SLC35F4: variants seen among roughly 807,000 people sequenced by gnomAD.
The protein encoded by SLC35F4 is solute carrier family 35 member F4.
Under a neutral mutation model 44.2 loss-of-function variants are expected in SLC35F4, and 24 were observed. That is an observed-to-expected ratio of 0.54 (90% CI 0.39 to 0.76). The LOEUF (loss-of-function observed/expected upper bound fraction) is 0.76. Ranked by LOEUF, SLC35F4 falls within the 30% of genes least tolerant of loss-of-function variation. The pLI is 0.00. For missense variants in SLC35F4, 562 were observed against 586.1 expected (o/e 0.96, Z 0.42); for synonymous variants, 238 against 223.6 (o/e 1.06, Z -0.57).
intron 1 of SLC35F4, among the ~76,000 whole-genome samples, chr14:57,621,124 C>A (rs1222844636): frequency 6.6e-6 from 1 of 151,722 alleles, no homozygotes; most frequent in East Asian, 1.9e-4. Flanking sequence ...TGTGAAGGAC[C>A]TCTTCAAGAA....
At chr14:57,786,025 T>C (rs2347362) in intron 1 of SLC35F4, among the ~76,000 whole-genome samples, 48,087 of 151,880 alleles carry the variant, frequency 0.32, 8,699 homozygotes, top group East Asian at 0.69. Context: ...GGGGCAAGTT[T>C]TCAAGCCCCC....
chr14:57,942,172 C>T (rs983536065), intron 1 of SLC35F4, among the ~76,000 whole-genome samples: 19 of 152,142 alleles, frequency 1.2e-4, no homozygotes, highest in African/African-American at 3.9e-4. Context: ...TTTTCCTTGC[C>T]GCAAAGCTTT....
Position 57,566,898 on chromosome 14 carries a change from TG to T in SLC35F4, c.1127-335del, listed in dbSNP as rs1251015459. 6.6e-5 allele frequency among the ~76,000 whole-genome samples: 10 copies of T among 152,352 alleles called. No individual in the cohort carries two copies. The South Asian group carries it at 2.1e-3, about 32-fold the overall frequency. ...CAGCCAGAGGTTAAAAGCAGGTGAT[TG>T]ATTGAAGATGGTGCCTCATCTCTTT... On this transcript the variant is annotated intron_variant, in intron 6 of 7. Coordinates refer to ENST00000556826, the MANE Select transcript of SLC35F4 (RefSeq NM_001306087.2).
At chr14:57,820,897 G>A (rs1215751186) in intron 1 of SLC35F4, among the ~76,000 whole-genome samples, 1 of 152,162 alleles carries the variant, frequency 6.6e-6, no homozygotes, top group Non-Finnish European at 1.5e-5. Context: ...TGCCACTAAT[G>A]CCTTGGAAGT....
chr14:57,954,275 C>A lies in SLC35F4; in HGVS notation n.282+27638G>T, dbSNP rs148734635. Among the ~76,000 whole-genome samples, 858 of 152,220 alleles carry A rather than the reference C, an allele frequency of 5.6e-3. 3 individuals carry two copies. The highest frequency in any genetic ancestry group is 6.2e-3 in the Non-Finnish European group (421 of 68,006). ...CAGAATCACTGGGACACAGCCAAAG[C>A]AGTGTTTAAGGGAAATTTATAGCAC... On this transcript the variant is annotated intron_variant and non_coding_transcript_variant, in intron 1 of 1. Transcript: ENST00000556568.
At chr14:57,588,490 C>T (rs1431974075) in intron 3 of SLC35F4, among the ~76,000 whole-genome samples, 1 of 152,164 alleles carries the variant, frequency 6.6e-6, no homozygotes, top group African/African-American at 2.4e-5. Context: ...CCCTTGAGTG[C>T]CATGCAGGGC....
At chr14:57,732,204 A>G (rs571808233) in intron 1 of SLC35F4, among the ~76,000 whole-genome samples, 1 of 152,314 alleles carries the variant, frequency 6.6e-6, no homozygotes, top group Admixed American at 6.5e-5. Flanking sequence ...CAGAGTGAAC[A>G]AAATGGTTAA....
chr14:57,629,466 G>A (rs1031999085), intron 1 of SLC35F4, among the ~76,000 whole-genome samples: 3 of 152,088 alleles, frequency 2.0e-5, no homozygotes, highest in Non-Finnish European at 2.9e-5. Context: ...AATTTCCATG[G>A]TGCAACCAGA....
At chr14:57,743,939 A>G (rs2076689536) in intron 1 of SLC35F4, among the ~76,000 whole-genome samples, 1 of 152,178 alleles carries the variant, frequency 6.6e-6, no homozygotes, top group South Asian at 2.1e-4. Flanking sequence ...ATCAATAAAC[A>G]TAATCCAGCA....
chr14:57,904,207 C>G (rs1889066035), intron 1 of SLC35F4, among the ~76,000 whole-genome samples: 1 of 152,188 alleles, frequency 6.6e-6, no homozygotes, highest in African/African-American at 2.4e-5. Context: ...CTGTCAACAT[C>G]TCTGGAAGGT....
At chr14:57,730,859 G>A (rs2076326310) in intron 1 of SLC35F4, among the ~76,000 whole-genome samples, 1 of 152,162 alleles carries the variant, frequency 6.6e-6, no homozygotes, top group Admixed American at 6.6e-5. Context: ...ACAAAGAAGA[G>A]ACCAGTTTCC....
intron 1 of SLC35F4, among the ~76,000 whole-genome samples, chr14:57,710,990 T>C (rs1012021002): frequency 1.3e-5 from 2 of 152,028 alleles, no homozygotes; most frequent in African/African-American, 4.8e-5. Flanking sequence ...TGTTTTGAAA[T>C]GTGAGGATAT....
chr14:57,758,000 C>CGTGTGTGT (rs1566827766), intron 1 of SLC35F4, among the ~76,000 whole-genome samples: 3 of 95,950 alleles, frequency 3.1e-5, no homozygotes, highest in African/African-American at 1.1e-4. Context: ...ATTATAGGTT[C>CGTGTGTGT]ATGTGTGTGT....
chr14:57,690,549 G>A (rs1221016487), intron 1 of SLC35F4, among the ~76,000 whole-genome samples: 2 of 152,074 alleles, frequency 1.3e-5, no homozygotes, highest in African/African-American at 4.8e-5. Flanking sequence ...AAGGGGTGGT[G>A]ATGAGGGATG....
chr14:57,881,890 CT>C (rs1463096213), intron 1 of SLC35F4, among the ~76,000 whole-genome samples: 4 of 152,302 alleles, frequency 2.6e-5, no homozygotes, highest in African/African-American at 9.6e-5. Flanking sequence ...AATTGCTCAT[CT>C]TCCTTATTTC....
rs1047252980 is a variant in SLC35F4, at chr14:57,876,991, C to CT, written n.282+104921dup. On this transcript the variant is annotated intron_variant and non_coding_transcript_variant, in intron 1 of 1. Coordinates refer to the SLC35F4 transcript ENST00000556568. ...AGCTACCCAAGGACAGGTGACCCAT[C>CT]TTTTTTTTTTCTTCTTTCCAACTTG... is the stretch of plus-strand genomic sequence containing the variant. Among the ~76,000 whole-genome samples the CT allele has an allele frequency of 5.4e-3, 811 of 149,456 alleles. 6 individuals carry two copies. Among genetic ancestry groups the CT allele is most frequent in the African/African-American group, 0.018 (734 of 40,852 alleles).
intron 1 of SLC35F4, among the ~76,000 whole-genome samples, chr14:57,933,546 G>A (rs1295698630): frequency 1.3e-5 from 2 of 152,164 alleles, no homozygotes; most frequent in African/African-American, 4.8e-5. Context: ...GGAAATAAGA[G>A]GACAAAGCTG....
rs1717783592 is a variant in SLC35F4 at position 57,767,902 on chromosome 14, A to G, written c.103+97821T>C. On this transcript the variant is annotated intron_variant, in intron 1 of 7. Coordinates refer to ENST00000556826, the MANE Select transcript of SLC35F4 (RefSeq NM_001306087.2). ...CAAAAACTATATACACATACGTTCA[A>G]CAACTTAGAAGAAATGGACCAGTCT... is the stretch of plus-strand genomic sequence containing the variant. 2.0e-5 allele frequency among the ~76,000 whole-genome samples: 3 copies of G among 152,334 alleles called. No homozygotes were observed. In the South Asian group the frequency reaches 6.2e-4, roughly 32 times the overall value.
rs527385941 is a variant in SLC35F4 at position 57,619,774 on chromosome 14, C to T, written c.104-25650G>A. Among the ~76,000 whole-genome samples, 16 of 152,076 alleles carry T rather than the reference C, an allele frequency of 1.1e-4. 1 individual carries two copies. The South Asian group carries it at 3.3e-3, about 32-fold the overall frequency. On this transcript the variant is annotated intron_variant, in intron 1 of 7. Coordinates refer to ENST00000556826, the MANE Select transcript of SLC35F4 (RefSeq NM_001306087.2). ...TAAAGGAGCATGTTCTAATGAAATGCAAGGAAGCTAAGAACCCTGAAAAAA... is the reference window on the plus strand; with the variant it reads ...TAAAGGAGCATGTTCTAATGAAATGTAAGGAAGCTAAGAACCCTGAAAAAA...
Sources: gnomAD v4.1 joint callset for allele counts (sites outside exome capture counted in the v4.1 genomes callset) on GRCh38, gnomAD v4.1.1 for gene constraint, MANE v1.5 for transcripts, NCBI Gene and HGNC (gene_info 2026-07-23, HGNC 2026-07-21) for gene names.